AGAP1: variants seen among roughly 807,000 people sequenced by gnomAD.
AGAP1 encodes ArfGAP with GTPase domain, ankyrin repeat and PH domain 1.
Under a neutral mutation model 105.3 loss-of-function variants are expected in AGAP1, and 29 were observed. The observed-to-expected ratio is 0.28, with a 90% CI of 0.21 to 0.38. The LOEUF is 0.38. Ranked by LOEUF, AGAP1 falls within the 10% of genes least tolerant of loss-of-function variation. The probability of loss-of-function intolerance (pLI) is 1.00; values close to 1 mark genes in which losing one functional copy is unlikely to be tolerated. For missense variants in AGAP1, 998 were observed against 1,165.1 expected, an observed-to-expected ratio of 0.86 and a Z score of 2.09; for synonymous variants, 509 against 485.9, an observed-to-expected ratio of 1.05 and a Z score of -0.63.
In AGAP1 at chr2:236,049,081, C is replaced by T. The variant is rs766996497; in HGVS notation, c.1914C>T (p.Asn638=). ...ETQNPNWASL[N]LGALMCIECS... ...TAGATCCCAACTGGGCCAGTTTGAA[C>T]TTGGGAGCCCTCATGTGCATCGAAT... Residue 638 remains asparagine, a synonymous_variant, in exon 16 of 18, where the codon AAC becomes AAT. Coordinates refer to ENST00000304032, the MANE Select transcript of AGAP1 (RefSeq NM_001037131.3). The T allele has an allele frequency of 6.2e-7, 1 of 1,614,088 alleles. No individual in the cohort carries two copies. Among genetic ancestry groups the T allele is most frequent in the South Asian group, 1.1e-5 (1 of 91,072 alleles).
At chr2:235,808,746 A>T (rs1240226165) in intron 9 of AGAP1, among the ~76,000 whole-genome samples, 1 of 152,148 alleles carries the variant, frequency 6.6e-6, no homozygotes, top group Non-Finnish European at 1.5e-5. Flanking sequence ...CTGGGCCGCA[A>T]ATATATGGAT....
Position 235,494,154 on chromosome 2 carries a change from G to T in AGAP1, c.-533G>T, listed in dbSNP as rs1218165392. The stretch of plus-strand genomic sequence containing the variant: ...ACTCGGTCCCAGGTCGGCGGGCGGC[G>T]CACGGCGGGCTCGCGCGGGGGCCCC... On this transcript the variant is annotated 5_prime_UTR_variant, in exon 1 of 18. Transcript: ENST00000304032. 1 of 144,930 alleles carries T rather than the reference G, an allele frequency of 6.9e-6. No individual in the cohort carries two copies. The highest frequency in any genetic ancestry group is 1.5e-5 in the Non-Finnish European group (1 of 65,120). The allele number at this position is 144,930 out of a possible 1,614,324, so 9.0% of individuals were successfully genotyped here. A position where few individuals can be genotyped will look rare whatever the true frequency, so the allele number is the denominator to read the frequency against.
chr2:235,509,421 G>GAT (rs1941973584), intron 1 of AGAP1, among the ~76,000 whole-genome samples: 1 of 151,800 alleles, frequency 6.6e-6, no homozygotes, highest in Non-Finnish European at 1.5e-5. Flanking sequence ...TTTTAGTAGA[G>GAT]ACGGTTTCAC....
intron 13 of AGAP1, among the ~76,000 whole-genome samples, chr2:236,031,556 G>A (rs1338737847): frequency 2.0e-5 from 3 of 152,198 alleles, no homozygotes; most frequent in Admixed American, 6.5e-5. Context: ...TAGGATCTCA[G>A]AGTTGCAAGG....
Position 235,691,427 on chromosome 2 carries a change from T to A in AGAP1, c.164-17752T>A, listed in dbSNP as rs960283130. On this transcript the variant is annotated intron_variant, in intron 1 of 17. Coordinates refer to ENST00000304032, the MANE Select transcript of AGAP1 (RefSeq NM_001037131.3). The surrounding 1 kb of genome is among the most constrained non-coding windows in gnomAD (Gnocchi z 4.4). Reference sequence around the variant, plus strand: ...TCCGTTGCGAGAAGCAAAAGTAGATTTAACACATCTTTAAAATCCGCTGAA... The same window carrying A: ...TCCGTTGCGAGAAGCAAAAGTAGATATAACACATCTTTAAAATCCGCTGAA... Among the ~76,000 whole-genome samples the A allele has an allele frequency of 6.6e-6, 1 of 152,228 alleles. No individual in the cohort carries two copies. Among genetic ancestry groups the A allele is most frequent in the Admixed American group, 6.5e-5 (1 of 15,284 alleles).
rs995234358 is a variant in AGAP1 at position 235,992,235 on chromosome 2, C to T, written c.1645+23612C>T. On this transcript the variant is annotated intron_variant, in intron 13 of 17. Coordinates refer to ENST00000304032, the MANE Select transcript of AGAP1 (RefSeq NM_001037131.3). This position sits in a 1 kb window ranked among gnomAD's most constrained non-coding sequence, Gnocchi z 4.8. Reference sequence around the variant, plus strand: ...TGGGTCCATGTTGCGTGGTTAGGAGCGCAGCGGAGGAGCCGGTCTTCCTGG... The same window carrying T: ...TGGGTCCATGTTGCGTGGTTAGGAGTGCAGCGGAGGAGCCGGTCTTCCTGG... Among the ~76,000 whole-genome samples the T allele has an allele frequency of 1.1e-4, 16 of 152,030 alleles. No homozygotes were observed. Among genetic ancestry groups the T allele is most frequent in the Non-Finnish European group, 1.8e-4 (12 of 68,022 alleles).
chr2:235,560,976 A>T (rs965862467), intron 1 of AGAP1, among the ~76,000 whole-genome samples: 1 of 152,190 alleles, frequency 6.6e-6, no homozygotes, highest in African/African-American at 2.4e-5. Context: ...GAAAAGTCAT[A>T]AAAAATGTTG....
chr2:235,828,765 C>A lies in AGAP1; in HGVS notation c.1050+21434C>A, dbSNP rs1959176611. ...TTGGGTCCACATGTTGCTCGGATGT[C>A]ATGAGATGTCCCTGGTTGACACGTT... On this transcript the variant is annotated intron_variant, in intron 9 of 17. Coordinates refer to ENST00000304032, the MANE Select transcript of AGAP1 (RefSeq NM_001037131.3). 5.3e-5 allele frequency among the ~76,000 whole-genome samples: 8 copies of A among 152,310 alleles called. No individual in the cohort carries two copies. In the South Asian group the frequency reaches 1.7e-3, roughly 32 times the overall value.
chr2:236,076,898 G>T lies in AGAP1; in HGVS notation c.2114+27617G>T, dbSNP rs1369933199. Among the ~76,000 whole-genome samples the T allele has an allele frequency of 1.3e-5, 2 of 151,404 alleles. No homozygotes were observed. The highest frequency in any genetic ancestry group is 2.9e-5 in the Non-Finnish European group (2 of 67,916). ...AGGTGGGCAGATTGCTTGAGCCTAGGAGTTCAAGACCAGCCAGGGCAACAT... is the reference window on the plus strand; with the variant it reads ...AGGTGGGCAGATTGCTTGAGCCTAGTAGTTCAAGACCAGCCAGGGCAACAT... On this transcript the variant is annotated intron_variant, in intron 16 of 17. Coordinates refer to ENST00000304032, the MANE Select transcript of AGAP1 (RefSeq NM_001037131.3). This position sits in a 1 kb window ranked among gnomAD's most constrained non-coding sequence, Gnocchi z 4.4.
intron 11 of AGAP1, among the ~76,000 whole-genome samples, chr2:235,916,509 A>G (rs2051892653): frequency 6.6e-6 from 1 of 152,242 alleles, no homozygotes; most frequent in Non-Finnish European, 1.5e-5. Context: ...ACATTTAAGT[A>G]GAGAGCAGGA....
chr2:236,016,431 GTTTA>G (rs2056706751), intron 13 of AGAP1, among the ~76,000 whole-genome samples: 2 of 107,844 alleles, frequency 1.9e-5, no homozygotes, highest in South Asian at 5.6e-4. Flanking sequence ...CAACAAATTT[GTTTA>G]TTGACTTCCA....
intron 16 of AGAP1, among the ~76,000 whole-genome samples, chr2:236,069,242 A>T (rs552189820): frequency 6.6e-6 from 1 of 152,174 alleles, no homozygotes; most frequent in Non-Finnish European, 1.5e-5. Context: ...AAAATACATG[A>T]TTTTGTCGTG....
At chr2:235,651,053 C>T (rs1947567214) in intron 1 of AGAP1, among the ~76,000 whole-genome samples, 1 of 151,936 alleles carries the variant, frequency 6.6e-6, no homozygotes, top group Non-Finnish European at 1.5e-5. Context: ...TGGTGGCATG[C>T]TCCTGTAGTC....
In AGAP1 at chr2:235,842,050, G is replaced by A. The variant is rs1357029883; in HGVS notation, c.1050+34719G>A. Among the ~76,000 whole-genome samples, 1 of 152,128 alleles carries A rather than the reference G, an allele frequency of 6.6e-6. No homozygotes were observed. Among genetic ancestry groups the A allele is most frequent in the Non-Finnish European group, 1.5e-5 (1 of 68,022 alleles). On this transcript the variant is annotated intron_variant, in intron 9 of 17. Transcript: ENST00000304032. The surrounding 1 kb of genome is among the most constrained non-coding windows in gnomAD (Gnocchi z 5.3). Reference sequence around the variant, plus strand: ...AAGGTTTTCACCTGCTGCTTCCTGCGGGATGTCGCTCATGTGGAGGAGGGC... The same window carrying A: ...AAGGTTTTCACCTGCTGCTTCCTGCAGGATGTCGCTCATGTGGAGGAGGGC...
In AGAP1 at chr2:235,664,499, T is replaced by C. The variant is rs1948065666; in HGVS notation, c.164-44680T>C. On this transcript the variant is annotated intron_variant, in intron 1 of 17. Coordinates refer to ENST00000304032, the MANE Select transcript of AGAP1 (RefSeq NM_001037131.3). This position sits in a 1 kb window ranked among gnomAD's most constrained non-coding sequence, Gnocchi z 5.7. Reference sequence around the variant, plus strand: ...TCCCAAAGTGCTGGGATTACAAGCATGAGCCACCACACTTGGCCTGATTTA... The same window carrying C: ...TCCCAAAGTGCTGGGATTACAAGCACGAGCCACCACACTTGGCCTGATTTA... 6.6e-6 allele frequency among the ~76,000 whole-genome samples: 1 copy of C among 152,206 alleles called. No homozygotes were observed. The highest frequency in any genetic ancestry group is 6.5e-5 in the Admixed American group (1 of 15,276).
At position 235,612,758 on chromosome 2, in the gene AGAP1, C is replaced by T. The variant is rs376260069; in HGVS notation, c.164-96421C>T. On this transcript the variant is annotated intron_variant, in intron 1 of 17. Transcript: ENST00000304032. The surrounding 1 kb of genome is among the most constrained non-coding windows in gnomAD (Gnocchi z 4.3). Reference sequence around the variant, plus strand: ...CTGAGTGCCACCTGGGCTTGCATGCCGGACGCATACCTGGCACCTGCTTCC... The same window carrying T: ...CTGAGTGCCACCTGGGCTTGCATGCTGGACGCATACCTGGCACCTGCTTCC... Among the ~76,000 whole-genome samples the T allele has an allele frequency of 4.6e-5, 7 of 152,110 alleles. No homozygotes were observed. In the East Asian group the frequency reaches 1.2e-3, roughly 25 times the overall value.
At position 235,586,112 on chromosome 2, in the gene AGAP1, G is replaced by A. The variant is rs1377651524; in HGVS notation, c.163+91263G>A. 6.6e-6 allele frequency among the ~76,000 whole-genome samples: 1 copy of A among 152,156 alleles called. No homozygotes were observed. Among genetic ancestry groups the A allele is most frequent in the Non-Finnish European group, 1.5e-5 (1 of 68,024 alleles). On this transcript the variant is annotated intron_variant, in intron 1 of 17. Transcript: ENST00000304032. This position sits in a 1 kb window ranked among gnomAD's most constrained non-coding sequence, Gnocchi z 4.2. Reference sequence around the variant, plus strand: ...AGTTGGGGAAGTGGCTGAAAAAAATGCCTCCTGGAAAAAGCAGTAAATGTA... The same window carrying A: ...AGTTGGGGAAGTGGCTGAAAAAAATACCTCCTGGAAAAAGCAGTAAATGTA...
chr2:235,513,212 A>G (rs987106240), intron 1 of AGAP1, among the ~76,000 whole-genome samples: 5 of 152,088 alleles, frequency 3.3e-5, no homozygotes, highest in African/African-American at 1.2e-4. Flanking sequence ...GTTTTAACTG[A>G]GGGTGGGTTA....
chr2:235,761,869 G>A (rs1402011853), intron 6 of AGAP1, among the ~76,000 whole-genome samples: 1 of 152,092 alleles, frequency 6.6e-6, no homozygotes. Context: ...CAGCACTTTG[G>A]GAGGCCGAGG....
Sources: allele counts gnomAD v4.1 joint callset (sites outside exome capture counted in the v4.1 genomes callset), GRCh38; gene constraint gnomAD v4.1.1; non-coding constraint Gnocchi (gnomAD v3.1); transcripts MANE v1.5; gene names NCBI Gene and HGNC (gene_info 2026-07-23, HGNC 2026-07-21).